RAB3IP: variants seen among roughly 807,000 people sequenced by gnomAD.
RAB3IP encodes the protein rab-3A-interacting protein.
Under a neutral mutation model 59.1 loss-of-function variants are expected in RAB3IP, and 36 were observed. That is an observed-to-expected ratio of 0.61 (90% CI 0.47 to 0.80). The LOEUF is 0.80. Among genes scored for constraint, RAB3IP ranks in the 30% least tolerant of loss-of-function variants. The probability of loss-of-function intolerance (pLI) is 0.00; values close to 1 mark genes in which losing one functional copy is unlikely to be tolerated. For missense variants in RAB3IP, 511 were observed against 536.0 expected, an observed-to-expected ratio of 0.95 and a Z score of 0.46; for synonymous variants, 207 against 191.2, an observed-to-expected ratio of 1.08 and a Z score of -0.68.
intron 3 of RAB3IP, among the ~76,000 whole-genome samples, chr12:69,772,299 C>T (rs1001133198): frequency 1.3e-5 from 2 of 152,102 alleles, no homozygotes; most frequent in Admixed American, 6.6e-5. Flanking sequence ...TATGTCCTTA[C>T]AGAGGATTTG....
In RAB3IP at chr12:69,814,233, CAGAA is replaced by C. The variant is rs567977171; in HGVS notation, c.1301-1127_1301-1124del. On this transcript the variant is annotated intron_variant, in intron 10 of 10. Transcript: ENST00000247833. ...TGTTTAAATAAGAAGCTTGGAAAGA[CAGAA>C]AGATAATTTACTTTATGAAAATAGG... 5.3e-5 allele frequency among the ~76,000 whole-genome samples: 8 copies of C among 152,148 alleles called. No homozygotes were observed. In the South Asian group the frequency reaches 6.2e-4, roughly 12 times the overall value.
rs1880080805 is a variant in RAB3IP at position 69,809,659 on chromosome 12, A to G, written c.1131-3119A>G. On this transcript the variant is annotated intron_variant, in intron 8 of 10. Transcript: ENST00000247833. ...CTTCATTTCATTCATTTTGTCTTCC[A>G]TCACTGATACCCTTTCTTCCAGTTG... Among the ~76,000 whole-genome samples, 3 of 152,246 alleles carry G rather than the reference A, an allele frequency of 2.0e-5. No homozygotes were observed. In the South Asian group the frequency reaches 6.2e-4, roughly 32 times the overall value.
intron 10 of RAB3IP, 78 bp from the exon 11 acceptor site, chr12:69,815,286 T>G: frequency 9.6e-7 from 1 of 1,037,126 alleles, no homozygotes; most frequent in East Asian, 2.5e-5. Flanking sequence ...ACATTTCAGC[T>G]AAGGTTTTCA....
In RAB3IP at chr12:69,749,566, A is replaced by G. The variant is rs558775175; in HGVS notation, c.-25-5818A>G. 3.3e-4 allele frequency among the ~76,000 whole-genome samples: 50 copies of G among 152,348 alleles called. No individual in the cohort carries two copies. In the South Asian group the frequency reaches 0.01, roughly 31 times the overall value. ...TGGGATTCAAACCTGCCTCTCTTCGAGACTTGTACTTTATATTCATAGCTT... is the reference window on the plus strand; with the variant it reads ...TGGGATTCAAACCTGCCTCTCTTCGGGACTTGTACTTTATATTCATAGCTT... On this transcript the variant is annotated intron_variant, in intron 1 of 10. Transcript: ENST00000247833.
At chr12:69,787,238 C>G (rs1875833276) in intron 4 of RAB3IP, among the ~76,000 whole-genome samples, 1 of 152,006 alleles carries the variant, frequency 6.6e-6, no homozygotes, top group South Asian at 2.1e-4. Context: ...GTATCAAATA[C>G]TTAATAAACC....
chr12:69,751,699 T>C lies in RAB3IP; in HGVS notation c.-25-3685T>C, dbSNP rs150761604. Among the ~76,000 whole-genome samples the C allele has an allele frequency of 2.0e-5, 3 of 152,302 alleles. No homozygotes were observed. In the East Asian group the frequency reaches 5.8e-4, roughly 29 times the overall value. ...AACATTGAAAATAGGTTGTGACTTT[T>C]TTCACTTCCTTTTGCTTTTAGAATA... On this transcript the variant is annotated intron_variant, in intron 1 of 10. Coordinates refer to ENST00000247833, the MANE Select transcript of RAB3IP (RefSeq NM_022456.5).
At chr12:69,749,173 A>G (rs1037408479) in intron 1 of RAB3IP, among the ~76,000 whole-genome samples, 1 of 152,200 alleles carries the variant, frequency 6.6e-6, no homozygotes, top group South Asian at 2.1e-4. Context: ...GTGGCGGACA[A>G]GCGAGCATTC....
intron 3 of RAB3IP, among the ~76,000 whole-genome samples, chr12:69,772,778 T>C (rs1413013127): frequency 6.6e-6 from 1 of 152,204 alleles, no homozygotes; most frequent in Non-Finnish European, 1.5e-5. Flanking sequence ...GTTCTTATTT[T>C]TAATAGTTTT....
intron 3 of RAB3IP, among the ~76,000 whole-genome samples, chr12:69,758,473 G>A (rs531490502): frequency 9.2e-5 from 14 of 152,034 alleles, no homozygotes; most frequent in East Asian, 3.9e-4. Context: ...TTGCTTTAGC[G>A]TTTATAGTAG....
chr12:69,794,333 A>G (rs1041377552), intron 4 of RAB3IP, 104 bp from the exon 5 acceptor site: 2 of 847,326 alleles, frequency 2.4e-6, no homozygotes, highest in African/African-American at 1.7e-5. Context: ...ACTTCAGGCT[A>G]ACTTTTGGTA....
intron 3 of RAB3IP, among the ~76,000 whole-genome samples, chr12:69,772,966 C>G (rs370250467): frequency 1.1e-4 from 17 of 152,200 alleles, no homozygotes; most frequent in African/African-American, 4.1e-4. Flanking sequence ...TTTAGCATTT[C>G]TTGTAAGATA....
chr12:69,797,272 G>T (rs752354128), intron 6 of RAB3IP, among the ~76,000 whole-genome samples: 3 of 152,114 alleles, frequency 2.0e-5, no homozygotes, highest in Non-Finnish European at 4.4e-5. Context: ...CTGCTTTCTT[G>T]CTATGCAATC....
chr12:69,798,514 G>A (rs61930179), intron 6 of RAB3IP, among the ~76,000 whole-genome samples: 15,211 of 149,772 alleles, frequency 0.1, 1,085 homozygotes, highest in Middle Eastern at 0.17. Flanking sequence ...GCTGTGCAGA[G>A]GCTCTTTAGT....
chr12:69,744,414 A>G (rs1887647980), intron 1 of RAB3IP, among the ~76,000 whole-genome samples: 1 of 152,140 alleles, frequency 6.6e-6, no homozygotes, highest in African/African-American at 2.4e-5. Flanking sequence ...TACACATGTC[A>G]GGTTGTACAT....
At chr12:69,759,596 G>A (rs1870887372) in intron 3 of RAB3IP, among the ~76,000 whole-genome samples, 1 of 151,324 alleles carries the variant, frequency 6.6e-6, no homozygotes, top group Admixed American at 6.6e-5. Context: ...GGACGGGGCG[G>A]CGGCCGGGCG....
chr12:69,798,628 G>A (rs1877906156), intron 6 of RAB3IP, among the ~76,000 whole-genome samples: 1 of 152,114 alleles, frequency 6.6e-6, no homozygotes, highest in Non-Finnish European at 1.5e-5. Flanking sequence ...GTATTGCATA[G>A]GTTTTCTTCT....
chr12:69,767,089 T>C (rs1371751186), intron 3 of RAB3IP, among the ~76,000 whole-genome samples: 2 of 152,234 alleles, frequency 1.3e-5, no homozygotes, highest in Non-Finnish European at 2.9e-5. Flanking sequence ...TTTCTCCTCA[T>C]CTGGAGATGA....
intron 4 of RAB3IP, among the ~76,000 whole-genome samples, chr12:69,793,515 C>T (rs1876965056): frequency 6.6e-6 from 1 of 152,054 alleles, no homozygotes; most frequent in Admixed American, 6.6e-5. Context: ...AATGTAAGTT[C>T]TTAAATCTCG....
chr12:69,755,595 C>T lies in RAB3IP; in HGVS notation c.187C>T (p.Leu63Phe). 1 of 1,614,064 alleles carries T rather than the reference C, an allele frequency of 6.2e-7. No homozygotes were observed. Among genetic ancestry groups the T allele is most frequent in the Non-Finnish European group, 8.5e-7 (1 of 1,179,974 alleles). ...IQANALDVSE[L>F]PTQPVYSSPR... ...GGCAAATGCATTAGATGTTTCTGAA[C>T]TTCCTACACAACCCGTGTATTCATC... The change falls in exon 2 of 11, where the codon CTT (leucine) becomes TTT (phenylalanine). Residue 63 changes from leucine (L) to phenylalanine (F), a missense_variant. Coordinates refer to ENST00000247833, the MANE Select transcript of RAB3IP (RefSeq NM_022456.5).
Sources: allele counts gnomAD v4.1 joint callset (sites outside exome capture counted in the v4.1 genomes callset), GRCh38; gene constraint gnomAD v4.1.1; transcripts MANE v1.5; gene names NCBI Gene and HGNC (gene_info 2026-07-23, HGNC 2026-07-21).